ALK: variants seen among roughly 807,000 people sequenced by gnomAD.
ALK encodes the protein ALK receptor tyrosine kinase.
A neutral mutation model predicts 163.1 loss-of-function variants in ALK; 74 were observed. The observed-to-expected ratio is 0.45, with a 90% CI of 0.38 to 0.55. ALK has a LOEUF of 0.55. ALK is among the 20% of genes least tolerant of loss of function. ALK has a pLI of 0.00. For missense variants in ALK, 2,063 were observed against 2,105.3 expected, an observed-to-expected ratio of 0.98 and a Z score of 0.39; for synonymous variants, 960 against 843.2, an observed-to-expected ratio of 1.14 and a Z score of -2.40.
intron 25 of ALK, 139 bp downstream of exon 25, chr2:29,209,647 A>C: frequency 1.5e-6 from 1 of 663,464 alleles, no homozygotes; most frequent in Non-Finnish European, 2.6e-6. Flanking sequence ...CCATAGCCTG[A>C]AAAGGAACTT....
At chr2:29,340,227 A>AC (rs1415082122) in intron 5 of ALK, among the ~76,000 whole-genome samples, 4 of 152,224 alleles carry the variant, frequency 2.6e-5, no homozygotes, top group Non-Finnish European at 5.9e-5. Context: ...TCAGTAAACA[A>AC]TGCAATTTCA....
chr2:29,325,414 C>T lies in ALK; in HGVS notation c.1414+2936G>A, dbSNP rs539969207. The stretch of plus-strand genomic sequence containing the variant: ...AGCACTTACTTTGTGCCAGGAGCTG[C>T]TCCAAACACTTCCTGCTTGTTTCTC... On this transcript the variant is annotated intron_variant, in intron 6 of 28. Coordinates refer to ENST00000389048, the MANE Select transcript of ALK (RefSeq NM_004304.5). 2.0e-5 allele frequency among the ~76,000 whole-genome samples: 3 copies of T among 152,342 alleles called. No individual in the cohort carries two copies. In the South Asian group the frequency reaches 6.2e-4, roughly 32 times the overall value.
chr2:29,631,061 C>A (rs531149196), intron 3 of ALK, among the ~76,000 whole-genome samples: 1 of 152,302 alleles, frequency 6.6e-6, no homozygotes, highest in East Asian at 1.9e-4. Flanking sequence ...ACTGTACTAA[C>A]TGAATCTACA....
At chr2:29,870,167 C>T (rs1452125138) in intron 1 of ALK, among the ~76,000 whole-genome samples, 2 of 151,804 alleles carry the variant, frequency 1.3e-5, no homozygotes, top group Admixed American at 6.6e-5. Context: ...GTAAATTATC[C>T]CTGTATAATT....
At chr2:29,646,937 T>C (rs534623913) in intron 3 of ALK, among the ~76,000 whole-genome samples, 278 of 152,312 alleles carry the variant, frequency 1.8e-3, no homozygotes, top group African/African-American at 6.6e-3. Flanking sequence ...GGGATTGATG[T>C]TGATTGGGTT....
At chr2:29,524,192 C>A (rs1448616842) in intron 4 of ALK, among the ~76,000 whole-genome samples, 1 of 152,172 alleles carries the variant, frequency 6.6e-6, no homozygotes, top group Non-Finnish European at 1.5e-5. Context: ...TGTTATCCAT[C>A]CACCTAATAT....
chr2:29,491,441 A>G (rs1671896855), intron 4 of ALK, among the ~76,000 whole-genome samples: 1 of 152,210 alleles, frequency 6.6e-6, no homozygotes, highest in South Asian at 2.1e-4. Flanking sequence ...CATCTATCCC[A>G]TGCAACTATG....
At chr2:29,437,972 G>A (rs1359957616) in intron 4 of ALK, among the ~76,000 whole-genome samples, 2 of 152,060 alleles carry the variant, frequency 1.3e-5, no homozygotes, top group African/African-American at 4.8e-5. Context: ...AGACCTGCAG[G>A]TATTATTATA....
intron 1 of ALK, among the ~76,000 whole-genome samples, chr2:29,912,709 A>T (rs1001485566): frequency 6.6e-6 from 1 of 151,930 alleles, no homozygotes; most frequent in Non-Finnish European, 1.5e-5. Flanking sequence ...TTTATAATAC[A>T]TATATAAATA....
chr2:29,300,800 G>A (rs1215866277), intron 8 of ALK, among the ~76,000 whole-genome samples: 3 of 152,138 alleles, frequency 2.0e-5, no homozygotes, highest in Non-Finnish European at 4.4e-5. Context: ...ACCCCAACAA[G>A]TCAGAAGTCA....
At position 29,737,080 on chromosome 2, in the gene ALK, G is replaced by A. The variant is rs57981478; in HGVS notation, c.668-19383C>T. Among the ~76,000 whole-genome samples the A allele has an allele frequency of 3.2e-4, 48 of 151,154 alleles. No homozygotes were observed. In the South Asian group the frequency reaches 5.7e-3, roughly 18 times the overall value. On this transcript the variant is annotated intron_variant, in intron 1 of 28. Coordinates refer to ENST00000389048, the MANE Select transcript of ALK (RefSeq NM_004304.5). The stretch of plus-strand genomic sequence containing the variant: ...AAATAAAATCTTATCCAGTAAAAGC[G>A]TTTTGTAGAAATTTATGTGTTGATG...
intron 3 of ALK, among the ~76,000 whole-genome samples, chr2:29,637,520 C>A (rs980759457): frequency 3.3e-5 from 5 of 151,930 alleles, no homozygotes; most frequent in Non-Finnish European, 7.4e-5. Flanking sequence ...GCCAGCCTGG[C>A]CAACATGGTG....
At chr2:29,788,018 G>A (rs772764795) in intron 1 of ALK, among the ~76,000 whole-genome samples, 3 of 152,078 alleles carry the variant, frequency 2.0e-5, no homozygotes, top group Non-Finnish European at 2.9e-5. Flanking sequence ...CAGACACCAG[G>A]GATTTGTATA....
intron 27 of ALK, 115 bp downstream of exon 27, chr2:29,197,427 A>G (rs2148142834): frequency 6.7e-7 from 1 of 1,498,526 alleles, no homozygotes; most frequent in South Asian, 1.3e-5. Context: ...GGGGCATATT[A>G]AAGGGAGGGC....
At chr2:29,625,108 T>A (rs550251803) in intron 3 of ALK, among the ~76,000 whole-genome samples, 1 of 152,348 alleles carries the variant, frequency 6.6e-6, no homozygotes, top group East Asian at 1.9e-4. Context: ...CCGTGGAATG[T>A]GTGTGGGATT....
At chr2:29,514,294 T>C (rs1402292207) in intron 4 of ALK, among the ~76,000 whole-genome samples, 1 of 147,282 alleles carries the variant, frequency 6.8e-6, no homozygotes, top group Admixed American at 6.8e-5. Flanking sequence ...ATGTGGCACA[T>C]ATACACCATG....
At chr2:29,514,989 G>T (rs751616224) in intron 4 of ALK, among the ~76,000 whole-genome samples, 6 of 152,096 alleles carry the variant, frequency 3.9e-5, no homozygotes, top group Non-Finnish European at 8.8e-5. Context: ...AAATATTCCT[G>T]ATCAGTCCTC....
At chr2:29,417,639 T>A (rs11684750) in intron 4 of ALK, among the ~76,000 whole-genome samples, 12,677 of 152,262 alleles carry the variant, frequency 0.083, 719 homozygotes, top group Non-Finnish European at 0.13. Context: ...GCAAGCCTAT[T>A]TTTACTGATA....
intron 1 of ALK, among the ~76,000 whole-genome samples, chr2:29,829,166 G>A (rs185909168): frequency 0.012 from 1,204 of 101,142 alleles, 29 homozygotes; most frequent in African/African-American, 0.044. Context: ...GGCCTGTTGA[G>A]GGGTGGGGGG....
Sources: gnomAD v4.1 joint callset for allele counts (sites outside exome capture counted in the v4.1 genomes callset) on GRCh38, gnomAD v4.1.1 for gene constraint, MANE v1.5 for transcripts, NCBI Gene and HGNC (gene_info 2026-07-23, HGNC 2026-07-21) for gene names.